Variants in PMEPA1 observed in about 807,000 individuals in gnomAD.
PMEPA1 encodes the protein prostate transmembrane protein, androgen induced 1, also known as protein TMEPAI.
A neutral mutation model predicts 23.0 loss-of-function variants in PMEPA1; 11 were observed. That is an observed-to-expected ratio of 0.48 (90% CI 0.30 to 0.79). PMEPA1 has a LOEUF of 0.79. Ranked by LOEUF, PMEPA1 falls within the 30% of genes least tolerant of loss-of-function variation. PMEPA1 has a pLI of 0.06. For synonymous variants in PMEPA1, 204 were observed against 166.4 expected (o/e 1.23, Z -1.74); for missense variants, 377 against 390.9 (o/e 0.96, Z 0.30).
rs2072142331 is a variant in PMEPA1, at chr20:57,709,691, G to A, written c.-109C>T. 2 of 977,894 alleles carry A rather than the reference G, an allele frequency of 2.0e-6. No homozygotes were observed. Among genetic ancestry groups the A allele is most frequent in the Non-Finnish European group, 2.4e-6 (2 of 826,692 alleles). 60.6% of individuals were successfully genotyped at this position (977,894 alleles called of 1,614,324 possible). The stretch of plus-strand genomic sequence containing the variant: ...CCGCATGCAGGAGGCGCGCGGCGGG[G>A]GAGGCGCGCCCCGGCTCGCCGGGCT... On this transcript the variant is annotated 5_prime_UTR_variant, in exon 1 of 4. Transcript: ENST00000341744.
At chr20:57,681,599 C>T (rs1568976689) in intron 1 of PMEPA1, among the ~76,000 whole-genome samples, 1 of 152,200 alleles carries the variant, frequency 6.6e-6, no homozygotes, top group Non-Finnish European at 1.5e-5. Flanking sequence ...ATTGTCGTTT[C>T]ACGTTCAATT....
At chr20:57,674,575 A>T (rs73182901) in intron 1 of PMEPA1, among the ~76,000 whole-genome samples, 7,642 of 152,332 alleles carry the variant, frequency 0.05, 293 homozygotes, top group Non-Finnish European at 0.074. Flanking sequence ...ATGGACTTGC[A>T]GAATCCCAGC....
chr20:57,675,709 G>A (rs1054130580), intron 1 of PMEPA1, among the ~76,000 whole-genome samples: 3 of 152,206 alleles, frequency 2.0e-5, no homozygotes, highest in Admixed American at 2.0e-4. Flanking sequence ...GCTAGAGAGG[G>A]GGCTCCAGGG....
chr20:57,699,691 T>C (rs2071985694), intron 1 of PMEPA1, among the ~76,000 whole-genome samples: 1 of 152,162 alleles, frequency 6.6e-6, no homozygotes, highest in South Asian at 2.1e-4. Flanking sequence ...CAGTTTGCAT[T>C]GCTCAAAATT....
At chr20:57,663,932 G>T (rs530907079) in intron 1 of PMEPA1, among the ~76,000 whole-genome samples, 80 of 152,242 alleles carry the variant, frequency 5.3e-4, no homozygotes, top group Non-Finnish European at 1.0e-3. Context: ...GTCAGGCACA[G>T]CAGCATTGGG....
intron 1 of PMEPA1, among the ~76,000 whole-genome samples, chr20:57,688,999 G>A (rs567209980): frequency 6.6e-6 from 1 of 152,346 alleles, no homozygotes; most frequent in South Asian, 2.1e-4. Flanking sequence ...CCCGCTGGCA[G>A]CCCGCCCCAG....
At chr20:57,661,619 TG>T (rs2146649922) in intron 1 of PMEPA1, among the ~76,000 whole-genome samples, 1 of 151,980 alleles carries the variant, frequency 6.6e-6, no homozygotes, top group South Asian at 2.1e-4. Flanking sequence ...GGGATCGGGG[TG>T]GGCAGGTGTC....
At chr20:57,710,289 G>C (rs1467920756), upstream of PMEPA1, 2 of 690,902 alleles carry the variant, frequency 2.9e-6, no homozygotes, top group South Asian at 2.9e-5. Flanking sequence ...AGCCGAACTC[G>C]GTGCCAGCCG....
intron 1 of PMEPA1, among the ~76,000 whole-genome samples, chr20:57,692,046 C>T (rs909689278): frequency 2.6e-5 from 4 of 152,174 alleles, no homozygotes; most frequent in Non-Finnish European, 5.9e-5. Flanking sequence ...GGGTAGGTCC[C>T]GGGGCTTACG....
At chr20:57,710,477 A>T (rs375448244), upstream of PMEPA1, 2 of 1,608,188 alleles carry the variant, frequency 1.2e-6, no homozygotes, top group African/African-American at 2.7e-5. Context: ...CTGGTTTCGC[A>T]GGAGACTGTC....
intron 1 of PMEPA1, among the ~76,000 whole-genome samples, chr20:57,666,937 A>C (rs1416725461): frequency 6.6e-6 from 1 of 152,252 alleles, no homozygotes; most frequent in African/African-American, 2.4e-5. Flanking sequence ...AATAGTTTCC[A>C]AACTCCGAAG....
At chr20:57,681,786 C>T (rs952710029) in intron 1 of PMEPA1, among the ~76,000 whole-genome samples, 15 of 152,244 alleles carry the variant, frequency 9.9e-5, no homozygotes, top group Middle Eastern at 3.4e-3. Flanking sequence ...CAAGGTGACA[C>T]GGCCAGCTGG....
intron 1 of PMEPA1, among the ~76,000 whole-genome samples, chr20:57,696,676 A>C (rs970110937): frequency 6.6e-6 from 1 of 152,146 alleles, no homozygotes; most frequent in Admixed American, 6.5e-5. Context: ...CTAAATACTG[A>C]CTGCCTCCCA....
Position 57,652,656 on chromosome 20 carries a change from A to G in PMEPA1, c.319-58T>C. Reference sequence around the variant, plus strand: ...GGCTGTCTCAGGTGGGTTGTCCAGAAGCGATCCTGAGACTGGAGTTCTGCT... The same window carrying G: ...GGCTGTCTCAGGTGGGTTGTCCAGAGGCGATCCTGAGACTGGAGTTCTGCT... On this transcript the variant is annotated intron_variant, in intron 3 of 3. Transcript: ENST00000341744. This position sits in a 1 kb window ranked among gnomAD's most constrained non-coding sequence, Gnocchi z 6.1. 3.8e-6 allele frequency: 5 copies of G among 1,323,126 alleles called. No homozygotes were observed. Among genetic ancestry groups the G allele is most frequent in the Non-Finnish European group, 5.0e-6 (5 of 997,508 alleles). 82.0% of individuals were successfully genotyped at this position (1,323,126 alleles called of 1,614,324 possible). A position where few individuals can be genotyped will look rare whatever the true frequency, so the allele number is the denominator to read the frequency against.
At chr20:57,662,092 T>G (rs1279825515) in intron 1 of PMEPA1, among the ~76,000 whole-genome samples, 1 of 152,168 alleles carries the variant, frequency 6.6e-6, no homozygotes, top group Non-Finnish European at 1.5e-5. Flanking sequence ...TCTACACTGC[T>G]AATGAGCCAG....
At position 57,652,019 on chromosome 20, in the gene PMEPA1, C is replaced by T. The variant is rs1382850605; in HGVS notation, c.*34G>A. On this transcript the variant is annotated 3_prime_UTR_variant, in exon 4 of 4. Coordinates refer to ENST00000341744, the MANE Select transcript of PMEPA1 (RefSeq NM_020182.5). The surrounding 1 kb of genome is among the most constrained non-coding windows in gnomAD (Gnocchi z 6.1). ...AAGCGCGGAGTGTTCTGCCTTTTCACCTACGCAGCCCCAGCCCGGCCCCCC... is the reference window on the plus strand; with the variant it reads ...AAGCGCGGAGTGTTCTGCCTTTTCATCTACGCAGCCCCAGCCCGGCCCCCC... 3 of 1,445,702 alleles carry T rather than the reference C, an allele frequency of 2.1e-6. No homozygotes were observed. Among genetic ancestry groups the T allele is most frequent in the Admixed American group, 2.9e-5 (1 of 34,902 alleles). 89.6% of individuals were successfully genotyped at this position (1,445,702 alleles called of 1,614,324 possible).
chr20:57,680,123 G>C (rs2071692919), intron 1 of PMEPA1, among the ~76,000 whole-genome samples: 1 of 152,218 alleles, frequency 6.6e-6, no homozygotes, highest in Admixed American at 6.5e-5. Flanking sequence ...TGAGTGGATG[G>C]TAAAAACGAC....
chr20:57,667,636 G>A (rs967524814), intron 1 of PMEPA1, among the ~76,000 whole-genome samples: 3 of 152,220 alleles, frequency 2.0e-5, no homozygotes, highest in Admixed American at 6.5e-5. Context: ...ATGGGGCCCT[G>A]TCTGGCCTCC....
At chr20:57,663,780 G>A (rs1263620111) in intron 1 of PMEPA1, among the ~76,000 whole-genome samples, 2 of 152,164 alleles carry the variant, frequency 1.3e-5, no homozygotes, top group Non-Finnish European at 2.9e-5. Context: ...GGTGTTGAGG[G>A]GGGCAAGAGA....
Sources: allele counts gnomAD v4.1 joint callset (sites outside exome capture counted in the v4.1 genomes callset), GRCh38; gene constraint gnomAD v4.1.1; non-coding constraint Gnocchi (gnomAD v3.1); transcripts MANE v1.5; gene names NCBI Gene and HGNC (gene_info 2026-07-23, HGNC 2026-07-21).